The following PPM1E variants were observed in gnomAD, a reference collection of about 807,000 sequenced individuals.
PPM1E encodes protein phosphatase 1E.
PPM1E carries 20 observed loss-of-function variants against 65.9 expected under a neutral mutation model. That is an observed-to-expected ratio of 0.30 (90% CI 0.21 to 0.44). The LOEUF (loss-of-function observed/expected upper bound fraction) is 0.44, where lower values mean the gene tolerates loss of function less well. Ranked by LOEUF, PPM1E falls within the 20% of genes least tolerant of loss-of-function variation. The probability of loss-of-function intolerance (pLI) is 1.00; values close to 1 mark genes in which losing one functional copy is unlikely to be tolerated. For missense variants in PPM1E, 713 were observed against 953.1 expected (o/e 0.75, Z 3.32); for synonymous variants, 352 against 374.9 (o/e 0.94, Z 0.70).
chr17:58,897,306 T>C (rs1366789303), intron 1 of PPM1E, among the ~76,000 whole-genome samples: 3 of 151,398 alleles, frequency 2.0e-5, no homozygotes, highest in Admixed American at 6.6e-5. Context: ...CCCAGCTACT[T>C]GGGAGGCTGA....
chr17:58,923,746 C>CA (rs531852494), intron 1 of PPM1E, among the ~76,000 whole-genome samples: 263 of 62,198 alleles, frequency 4.2e-3, no homozygotes, highest in South Asian at 0.013. Flanking sequence ...GACTTCGTCT[C>CA]AAAAAAAAAA....
intron 1 of PPM1E, among the ~76,000 whole-genome samples, chr17:58,798,525 A>ATTTTTTTTTTTTTTTTTTTT: frequency 1.1e-5 from 1 of 89,850 alleles, no homozygotes; most frequent in Non-Finnish European, 2.4e-5. Context: ...ACACGGCCCT[A>ATTTTTTTTTTTTTTTTTTTT]TTTTTTTTTT....
intron 1 of PPM1E, among the ~76,000 whole-genome samples, chr17:58,832,628 GA>G (rs1717192881): frequency 6.6e-6 from 1 of 152,038 alleles, no homozygotes; most frequent in Non-Finnish European, 1.5e-5. Flanking sequence ...CTTTAATTTT[GA>G]AATATTTTTA....
intron 1 of PPM1E, among the ~76,000 whole-genome samples, chr17:58,760,594 C>T (rs548748610): frequency 6.6e-6 from 1 of 152,290 alleles, no homozygotes; most frequent in South Asian, 2.1e-4. Flanking sequence ...GTTTAATTGT[C>T]ACACTGCTTA....
intron 2 of PPM1E, among the ~76,000 whole-genome samples, chr17:58,959,334 TCATGCCTGTAATCC>T (rs1033732943): frequency 5.5e-5 from 7 of 126,444 alleles, no homozygotes; most frequent in Non-Finnish European, 1.1e-4. Flanking sequence ...AAAAAACGAC[TCATGCCTGTAATCC>T]CAGCACTTTG....
intron 1 of PPM1E, among the ~76,000 whole-genome samples, chr17:58,855,479 A>G (rs1194535566): frequency 4.6e-5 from 7 of 152,220 alleles, no homozygotes; most frequent in Non-Finnish European, 1.0e-4. Flanking sequence ...CTACCACGTT[A>G]CTAAAGGCCT....
In PPM1E at chr17:58,980,667, C is replaced by A; in HGVS notation, c.1904C>A (p.Thr635Lys). ...EFPTAFNLGS[T>K]GEQIYRMQSL... ...CCCACTGCTTTCAATTTGGGTTCAACAGGGGAGCAGATATACAGAATGCAG... is the reference window on the plus strand; with the variant it reads ...CCCACTGCTTTCAATTTGGGTTCAAAAGGGGAGCAGATATACAGAATGCAG... The change falls in exon 7 of 7, where the codon ACA (threonine) becomes AAA (lysine). Residue 635 changes from threonine (T) to lysine (K), a missense_variant. Thr to Lys is a moderately conservative substitution (Grantham distance 78, BLOSUM62 -1). Coordinates refer to ENST00000308249, the MANE Select transcript of PPM1E (RefSeq NM_014906.5). The surrounding 1 kb of genome is among the most constrained non-coding windows in gnomAD (Gnocchi z 4.7). The A allele has an allele frequency of 6.2e-7, 1 of 1,614,164 alleles. No individual in the cohort carries two copies. Among genetic ancestry groups the A allele is most frequent in the Non-Finnish European group, 8.5e-7 (1 of 1,180,032 alleles).
At chr17:58,888,693 CATTT>C (rs923413038) in intron 1 of PPM1E, among the ~76,000 whole-genome samples, 1 of 152,138 alleles carries the variant, frequency 6.6e-6, no homozygotes, top group African/African-American at 2.4e-5. Context: ...TTTTCACCCT[CATTT>C]ATTTCCTGTT....
chr17:58,929,077 A>G (rs2051860961), intron 1 of PPM1E, among the ~76,000 whole-genome samples: 1 of 152,178 alleles, frequency 6.6e-6, no homozygotes, highest in Non-Finnish European at 1.5e-5. Flanking sequence ...TCATCAATAG[A>G]AGAATAAATA....
intron 1 of PPM1E, among the ~76,000 whole-genome samples, chr17:58,768,437 G>C (rs1287827510): frequency 6.6e-6 from 1 of 152,054 alleles, no homozygotes; most frequent in Non-Finnish European, 1.5e-5. Flanking sequence ...TGTAGATGCT[G>C]TTTCTTCTCC....
chr17:58,816,780 ATATATATATATATATTTTTTTT>A lies in PPM1E; in HGVS notation c.464+60321_464+60342del, dbSNP rs1321782508. Reference sequence around the variant, plus strand: ...TATATATATATATATATATATATATATATATATATATATATTTTTTTTTTTTTTTTTTTGAGACAGGGTCTTA... The same window carrying A: ...TATATATATATATATATATATATATATTTTTTTTTTTGAGACAGGGTCTTA... On this transcript the variant is annotated intron_variant, in intron 1 of 6. Coordinates refer to ENST00000308249, the MANE Select transcript of PPM1E (RefSeq NM_014906.5). Among the ~76,000 whole-genome samples, 6 of 9,106 alleles carry A rather than the reference ATATATATATATATATTTTTTTT, an allele frequency of 6.6e-4. 1 individual carries two copies. Among genetic ancestry groups the A allele is most frequent in the Non-Finnish European group, 4.2e-4 (2 of 4,706 alleles). The allele number at this position is 9,106 out of a possible 152,430, so 6.0% of individuals were successfully genotyped here. A position where few individuals can be genotyped will look rare whatever the true frequency, so the allele number is the denominator to read the frequency against.
At chr17:58,880,649 G>A (rs1044221737) in intron 1 of PPM1E, among the ~76,000 whole-genome samples, 1 of 151,894 alleles carries the variant, frequency 6.6e-6, no homozygotes, top group Non-Finnish European at 1.5e-5. Context: ...TTTGAGACAG[G>A]ATCTTACTCT....
rs571877087 is a variant in PPM1E at position 58,983,886 on chromosome 17, C to A, written c.*2855C>A. ...AGGGAAACAAACTTCAGGTCACCAA[C>A]TGAAGTCATTACAAACTCCTTGTAC... On this transcript the variant is annotated 3_prime_UTR_variant, in exon 7 of 7. Coordinates refer to ENST00000308249, the MANE Select transcript of PPM1E (RefSeq NM_014906.5). The A allele has an allele frequency of 2.6e-5, 4 of 152,730 alleles. No individual in the cohort carries two copies. Among genetic ancestry groups the A allele is most frequent in the African/African-American group, 9.6e-5 (4 of 41,564 alleles). 9.5% of individuals were successfully genotyped at this position (152,730 alleles called of 1,614,324 possible). A position where few individuals can be genotyped will look rare whatever the true frequency, so the allele number is the denominator to read the frequency against.
At chr17:58,943,799 C>T (rs2052106887) in intron 1 of PPM1E, among the ~76,000 whole-genome samples, 1 of 152,126 alleles carries the variant, frequency 6.6e-6, no homozygotes. Context: ...TGAATCTTGC[C>T]TCATACTTCA....
Position 58,911,579 on chromosome 17 carries a change from A to G in PPM1E, c.465-44070A>G, listed in dbSNP as rs114530508. 6.5e-3 allele frequency among the ~76,000 whole-genome samples: 989 copies of G among 152,252 alleles called. 6 individuals are homozygous for G. The highest frequency in any genetic ancestry group is 0.022 in the African/African-American group (927 of 41,528). Reference sequence around the variant, plus strand: ...ACTGGTTAATAAGAATAATATCTAAAATTGTAACACTAGAGGTTTATTTCT... The same window carrying G: ...ACTGGTTAATAAGAATAATATCTAAGATTGTAACACTAGAGGTTTATTTCT... On this transcript the variant is annotated intron_variant, in intron 1 of 6. Coordinates refer to ENST00000308249, the MANE Select transcript of PPM1E (RefSeq NM_014906.5).
chr17:58,805,028 C>A (rs2050292174), intron 1 of PPM1E, among the ~76,000 whole-genome samples: 1 of 152,134 alleles, frequency 6.6e-6, no homozygotes, highest in African/African-American at 2.4e-5. Flanking sequence ...TCCTCCCACC[C>A]CCCACCATAC....
intron 1 of PPM1E, among the ~76,000 whole-genome samples, chr17:58,866,733 A>T (rs1254328177): frequency 6.6e-6 from 1 of 152,182 alleles, no homozygotes. Context: ...AGCCAAAGAG[A>T]TAAGGGAGAG....
At chr17:58,958,212 A>AT (rs200552957) in intron 2 of PPM1E, among the ~76,000 whole-genome samples, 52 of 146,750 alleles carry the variant, frequency 3.5e-4, no homozygotes, top group Admixed American at 5.4e-4. Flanking sequence ...ATTTTTATTT[A>AT]TTTTTTTTTT....
chr17:58,877,072 C>T (rs554625748), intron 1 of PPM1E, among the ~76,000 whole-genome samples: 25 of 152,300 alleles, frequency 1.6e-4, no homozygotes, highest in Non-Finnish European at 2.2e-4. Flanking sequence ...CGTGAGCCAC[C>T]GCGCCTGGCC....
Sources: gnomAD v4.1 joint callset for allele counts (sites outside exome capture counted in the v4.1 genomes callset) on GRCh38, gnomAD v4.1.1 for gene constraint, Gnocchi (gnomAD v3.1) non-coding constraint, MANE v1.5 for transcripts, NCBI Gene and HGNC (gene_info 2026-07-23, HGNC 2026-07-21) for gene names.